RBPMS: variants seen among roughly 807,000 people sequenced by gnomAD.
The protein encoded by RBPMS is RNA binding protein, mRNA processing factor, also known as RNA-binding protein with multiple splicing.
In RBPMS, 7 loss-of-function variants were observed where a neutral mutation model predicts 26.8. The ratio of observed to expected loss-of-function variants is 0.26; its 90% CI spans 0.15 to 0.49. RBPMS has a LOEUF of 0.49. Ranked by LOEUF, RBPMS falls within the 20% of genes least tolerant of loss-of-function variation. The pLI, the probability that RBPMS is intolerant of heterozygous loss-of-function variation, is 0.98. For synonymous variants in RBPMS, 96 were observed against 93.3 expected (o/e 1.03, Z -0.17); for missense variants, 186 against 250.0 (o/e 0.74, Z 1.73).
intron 5 of RBPMS, among the ~76,000 whole-genome samples, chr8:30,542,775 T>G (rs969643994): frequency 6.6e-6 from 1 of 152,244 alleles, no homozygotes; most frequent in African/African-American, 2.4e-5. Context: ...GGCTCCCACG[T>G]GAGTTACTCT....
chr8:30,561,717 G>C lies in RBPMS; in HGVS notation c.*7+2761G>C, dbSNP rs1304362872. 3.3e-5 allele frequency among the ~76,000 whole-genome samples: 5 copies of C among 152,294 alleles called. No homozygotes were observed. The East Asian group carries it at 9.7e-4, about 29-fold the overall frequency. On this transcript the variant is annotated intron_variant, in intron 7 of 8. Transcript: ENST00000397323. ...TCTGTCAGTCAGATGCTTCAGGAAAGTCAAGCATGGTGAGAGAAGACCTTC... is the reference window on the plus strand; with the variant it reads ...TCTGTCAGTCAGATGCTTCAGGAAACTCAAGCATGGTGAGAGAAGACCTTC...
At chr8:30,449,451 A>G (rs566947345) in intron 1 of RBPMS, among the ~76,000 whole-genome samples, 28 of 147,956 alleles carry the variant, frequency 1.9e-4, no homozygotes, top group African/African-American at 6.8e-4. Context: ...GCTCACTGCA[A>G]CCTTCACCTC....
chr8:30,513,587 CAAAAAAAAAAAAAA>C (rs56184994), intron 5 of RBPMS, among the ~76,000 whole-genome samples: 47 of 108,500 alleles, frequency 4.3e-4, no homozygotes, highest in Middle Eastern at 5.3e-3. Context: ...GACTCCATCT[CAAAAAAAAAAAAAA>C]AAAAAAAAAA....
chr8:30,549,016 A>G (rs897764037), intron 6 of RBPMS, among the ~76,000 whole-genome samples: 1 of 152,248 alleles, frequency 6.6e-6, no homozygotes, highest in Admixed American at 6.5e-5. Context: ...GGAGTCGCCC[A>G]GCAGCGAGAC....
rs7829514 is a variant in RBPMS, at chr8:30,455,782, C to G, written c.67-18997C>G. Among the ~76,000 whole-genome samples the G allele has an allele frequency of 7.5e-3, 1,136 of 151,994 alleles. 19 individuals carry two copies. The highest frequency in any genetic ancestry group is 0.026 in the African/African-American group (1,083 of 41,416). On this transcript the variant is annotated intron_variant, in intron 1 of 8. Transcript: ENST00000397323. ...GTGGGCGCCTGTAGTCGCAACTACT[C>G]GGGAGGCTGAGTCGGGAGAATGGCA...
At chr8:30,393,444 T>C (rs564876759) in intron 1 of RBPMS, among the ~76,000 whole-genome samples, 1 of 152,302 alleles carries the variant, frequency 6.6e-6, no homozygotes, top group African/African-American at 2.4e-5. Context: ...TTTTTGACTT[T>C]TTTGGGGAAA....
intron 6 of RBPMS, chr8:30,556,016 C>T (rs1409609628): frequency 1.0e-6 from 1 of 985,278 alleles, no homozygotes; most frequent in Non-Finnish European, 1.2e-6. Context: ...GCCAGGGGGG[C>T]ACTGCCCTCT....
intron 1 of RBPMS, among the ~76,000 whole-genome samples, chr8:30,444,000 G>C (rs1439861262): frequency 6.6e-6 from 1 of 152,080 alleles, no homozygotes; most frequent in African/African-American, 2.4e-5. Flanking sequence ...AGGTTCAAGC[G>C]ATTCTCTTGC....
chr8:30,558,787 T>C (rs1460022535), intron 6 of RBPMS, 100 bp from the exon 7 acceptor site: 6 of 991,574 alleles, frequency 6.1e-6, no homozygotes, highest in Non-Finnish European at 9.6e-6. Flanking sequence ...GTGGGTACCA[T>C]CTTGGAACAG....
intron 1 of RBPMS, among the ~76,000 whole-genome samples, chr8:30,417,211 G>A (rs1319715280): frequency 6.6e-6 from 1 of 152,138 alleles, no homozygotes; most frequent in Non-Finnish European, 1.5e-5. Flanking sequence ...TTGTTACAAT[G>A]TTAAAATATT....
chr8:30,543,365 G>A (rs1639648681), intron 5 of RBPMS, among the ~76,000 whole-genome samples: 1 of 152,306 alleles, frequency 6.6e-6, no homozygotes, highest in South Asian at 2.1e-4. Flanking sequence ...GGGATGGGAA[G>A]GATGCAGAGA....
In RBPMS at chr8:30,561,903, G is replaced by GTATC; in HGVS notation, c.*7+2949_*7+2952dup. The GTATC allele has an allele frequency of 3.0e-6, 3 of 985,308 alleles. 1 individual carries two copies. Among genetic ancestry groups the GTATC allele is most frequent in the Non-Finnish European group, 1.2e-6 (1 of 829,898 alleles). 61.0% of individuals were successfully genotyped at this position (985,308 alleles called of 1,614,324 possible). A position where few individuals can be genotyped will look rare whatever the true frequency, so the allele number is the denominator to read the frequency against. On this transcript the variant is annotated intron_variant, in intron 7 of 8. Transcript: ENST00000397323. ...GTGACAGAGATCCTGGGTTTCATTTGTATCTGCTCACCTAATTTTTTTCCA... is the reference window on the plus strand; with the variant it reads ...GTGACAGAGATCCTGGGTTTCATTTGTATCTATCTGCTCACCTAATTTTTTTCCA...
chr8:30,556,352 G>A (rs771418905), intron 6 of RBPMS: 11 of 985,476 alleles, frequency 1.1e-5, no homozygotes, highest in Admixed American at 6.1e-5. Flanking sequence ...CTGCACGCTC[G>A]TCCCCAACCC....
chr8:30,432,168 CTT>C (rs1812015496), intron 1 of RBPMS, among the ~76,000 whole-genome samples: 1 of 152,112 alleles, frequency 6.6e-6, no homozygotes, highest in African/African-American at 2.4e-5. Context: ...ATTTCAAAGA[CTT>C]TTTCTTTTGA....
chr8:30,484,100 G>A (rs896525250), intron 4 of RBPMS, among the ~76,000 whole-genome samples: 15 of 152,138 alleles, frequency 9.9e-5, no homozygotes, highest in African/African-American at 3.6e-4. Flanking sequence ...GGTATACCTA[G>A]GAGTAGAATT....
chr8:30,481,620 A>G (rs1037798499), intron 4 of RBPMS, among the ~76,000 whole-genome samples: 3 of 151,334 alleles, frequency 2.0e-5, no homozygotes, highest in Non-Finnish European at 4.4e-5. Flanking sequence ...TTTGCTACTT[A>G]TGTGTTAATA....
intron 4 of RBPMS, among the ~76,000 whole-genome samples, chr8:30,503,292 C>A (rs1473612921): frequency 2.0e-5 from 3 of 152,080 alleles, no homozygotes; most frequent in Non-Finnish European, 4.4e-5. Context: ...GCTCTGTCAC[C>A]CAGGCTGGAG....
At chr8:30,501,994 C>G (rs1372051686) in intron 4 of RBPMS, among the ~76,000 whole-genome samples, 2 of 152,012 alleles carry the variant, frequency 1.3e-5, no homozygotes, top group Non-Finnish European at 2.9e-5. Flanking sequence ...TTGGCTAATC[C>G]CTATGGATGG....
At chr8:30,407,636 G>GGGAA (rs1808807883) in intron 1 of RBPMS, among the ~76,000 whole-genome samples, 1 of 4,884 alleles carries the variant, frequency 2.0e-4, no homozygotes, top group Middle Eastern at 0.031. Flanking sequence ...CAGTTGATGT[G>GGGAA]AGATTGATAG....
Sources: allele counts gnomAD v4.1 joint callset (sites outside exome capture counted in the v4.1 genomes callset), GRCh38; gene constraint gnomAD v4.1.1; transcripts MANE v1.5; gene names NCBI Gene and HGNC (gene_info 2026-07-23, HGNC 2026-07-21).